YES1: variants seen among roughly 807,000 people sequenced by gnomAD.
YES1 encodes YES proto-oncogene 1, Src family tyrosine kinase, also known as tyrosine-protein kinase Yes.
A neutral mutation model predicts 70.4 loss-of-function variants in YES1; 39 were observed. The observed-to-expected ratio is 0.55, with a 90% CI of 0.43 to 0.72. The LOEUF is 0.72. Ranked by LOEUF, YES1 falls within the 30% of genes least tolerant of loss-of-function variation. YES1 has a pLI of 0.00. For synonymous variants in YES1, 198 were observed against 218.6 expected (o/e 0.91, Z 0.83); for missense variants, 495 against 644.8 (o/e 0.77, Z 2.52).
intron 4 of YES1, among the ~76,000 whole-genome samples, chr18:747,392 C>G (rs1176723559): frequency 1.3e-5 from 2 of 152,152 alleles, no homozygotes; most frequent in Admixed American, 6.6e-5. Context: ...TTGCTTGAGC[C>G]TGGGAGGTAG....
rs137885192 is a variant in YES1, at chr18:776,279, T to C, written c.-8-19444A>G. Among the ~76,000 whole-genome samples, 1,062 of 152,086 alleles carry C rather than the reference T, an allele frequency of 7.0e-3. 6 individuals are homozygous for C. The highest frequency in any genetic ancestry group is 0.024 in the African/African-American group (999 of 41,468). ...TGCAATCTTGGCTCACTGCAACCTCTGCCTCTGGGGTTCAAGTGATTCTCG... is the reference window on the plus strand; with the variant it reads ...TGCAATCTTGGCTCACTGCAACCTCCGCCTCTGGGGTTCAAGTGATTCTCG... On this transcript the variant is annotated intron_variant, in intron 1 of 11. Coordinates refer to ENST00000314574, the MANE Select transcript of YES1 (RefSeq NM_005433.4).
chr18:773,883 G>C (rs1380088303), intron 1 of YES1, among the ~76,000 whole-genome samples: 1 of 151,782 alleles, frequency 6.6e-6, no homozygotes, highest in Non-Finnish European at 1.5e-5. Context: ...CCAGGCTAGA[G>C]TGCAGTGGTG....
intron 1 of YES1, among the ~76,000 whole-genome samples, chr18:764,764 G>T (rs191256574): frequency 6.6e-6 from 1 of 151,730 alleles, no homozygotes; most frequent in Non-Finnish European, 1.5e-5. Flanking sequence ...ACGGAGTCTC[G>T]TTCTGTCACC....
chr18:783,013 T>TGCTGCAAACAG (rs1159320751), intron 1 of YES1, among the ~76,000 whole-genome samples: 1 of 152,082 alleles, frequency 6.6e-6, no homozygotes, highest in Non-Finnish European at 1.5e-5. Flanking sequence ...CAATAGCTAA[T>TGCTGCAAACAG]GCTGCAAACA....
At chr18:729,145 C>T (rs1326492573) in intron 11 of YES1, among the ~76,000 whole-genome samples, 5 of 152,134 alleles carry the variant, frequency 3.3e-5, no homozygotes, top group African/African-American at 1.2e-4. Context: ...TAGCTTTTAT[C>T]TATGCATTAC....
chr18:811,659 A>G (rs1297682859), intron 1 of YES1, among the ~76,000 whole-genome samples: 2 of 151,804 alleles, frequency 1.3e-5, no homozygotes, highest in Admixed American at 6.6e-5. Flanking sequence ...CGCCCCACAC[A>G]CCCGCTCCTC....
At chr18:801,813 T>C (rs1027475167) in intron 1 of YES1, among the ~76,000 whole-genome samples, 2 of 152,246 alleles carry the variant, frequency 1.3e-5, no homozygotes, top group African/African-American at 4.8e-5. Flanking sequence ...TTTTGCATGT[T>C]TCTTTATTCT....
chr18:766,831 TCTAACA>T (rs935858113), intron 1 of YES1, among the ~76,000 whole-genome samples: 3 of 152,194 alleles, frequency 2.0e-5, no homozygotes, highest in African/African-American at 7.2e-5. Context: ...TATTTACTAC[TCTAACA>T]CTATTATATT....
chr18:736,846 G>A lies in YES1; in HGVS notation c.1253C>T (p.Ala418Val). Reference protein sequence around the residue: ...LVCKIADFGLARLIEDNEYTA... With the variant: ...LVCKIADFGLVRLIEDNEYTA... ...GTATTCATTGTCTTCAATTAACCTTGCTAAACCAAAGTCTGCTATTTTGCA... is the reference window on the plus strand; with the variant it reads ...GTATTCATTGTCTTCAATTAACCTTACTAAACCAAAGTCTGCTATTTTGCA... The change falls in exon 10 of 12, where the codon GCA becomes GTA. Residue 418 changes from alanine to valine, a missense_variant. Coordinates refer to ENST00000314574, the MANE Select transcript of YES1 (RefSeq NM_005433.4). 9.3e-6 allele frequency: 15 copies of A among 1,611,984 alleles called. No homozygotes were observed. The highest frequency in any genetic ancestry group is 1.2e-5 in the Non-Finnish European group (14 of 1,179,898).
At chr18:811,371 C>G (rs1054903108) in intron 1 of YES1, among the ~76,000 whole-genome samples, 5 of 152,108 alleles carry the variant, frequency 3.3e-5, no homozygotes, top group African/African-American at 4.8e-5. Flanking sequence ...GTCCCTACAC[C>G]AGACTTGATT....
At chr18:778,196 C>A (rs951021296) in intron 1 of YES1, among the ~76,000 whole-genome samples, 1 of 152,192 alleles carries the variant, frequency 6.6e-6, no homozygotes, top group South Asian at 2.1e-4. Flanking sequence ...TAAAAGTAGG[C>A]AAAACTAGGA....
At position 756,588 on chromosome 18, in the gene YES1, CACTGAA is replaced by C; in HGVS notation, c.234_239del (p.Phe78_Val80delinsLeu). On this transcript the variant is annotated inframe_deletion, in exon 2 of 12. Transcript: ENST00000314574. Reference sequence around the variant, plus strand: ...AACCAGCAGGATATGAACTTGGCACCACTGAAAATGAGGAAGATGCACCTCCAAAAG... The same window carrying C: ...AACCAGCAGGATATGAACTTGGCACCAATGAGGAAGATGCACCTCCAAAAG... 6.2e-7 allele frequency: 1 copy of C among 1,614,112 alleles called. No individual in the cohort carries two copies. Among genetic ancestry groups the C allele is most frequent in the South Asian group, 1.1e-5 (1 of 91,072 alleles).
chr18:756,621 C>G lies in YES1; in HGVS notation c.207G>C (p.Thr69=), dbSNP rs138908805. 6.2e-7 allele frequency: 1 copy of G among 1,614,142 alleles called. No individual in the cohort carries two copies. The highest frequency in any genetic ancestry group is 8.5e-7 in the Non-Finnish European group (1 of 1,180,020). ...ATGAGGAAGATGCACCTCCAAAAGG[C>G]GTTACCCCTGAGGATCCTCCAAATG... The part of the protein sequence containing the change: ...MTPFGGSSGV[T]PFGGASSSFS... The change falls in exon 2 of 12, where the codon ACG becomes ACC. Residue 69 remains threonine, a synonymous_variant. Transcript: ENST00000314574.
intron 11 of YES1, among the ~76,000 whole-genome samples, chr18:726,484 A>C (rs1300945903): frequency 6.6e-6 from 1 of 151,680 alleles, no homozygotes; most frequent in Non-Finnish European, 1.5e-5. Context: ...TAGAACTATT[A>C]AATTATTTGA....
At chr18:759,591 G>A (rs1027024094) in intron 1 of YES1, among the ~76,000 whole-genome samples, 2 of 151,832 alleles carry the variant, frequency 1.3e-5, no homozygotes, top group African/African-American at 4.8e-5. Flanking sequence ...AATTGTGTCT[G>A]TACTAAATAA....
At chr18:755,106 A>C (rs1005598320) in intron 2 of YES1, among the ~76,000 whole-genome samples, 5 of 152,212 alleles carry the variant, frequency 3.3e-5, no homozygotes, top group Non-Finnish European at 5.9e-5. Context: ...ACTTTTGCTA[A>C]AGACTTAGAA....
chr18:790,166 A>G (rs1038826535), intron 1 of YES1, among the ~76,000 whole-genome samples: 1 of 152,244 alleles, frequency 6.6e-6, no homozygotes, highest in Non-Finnish European at 1.5e-5. Context: ...ACCTGAGGTC[A>G]GAAGTTTGAG....
intron 1 of YES1, among the ~76,000 whole-genome samples, chr18:778,074 C>G (rs1034934960): frequency 3.9e-5 from 6 of 152,030 alleles, no homozygotes; most frequent in African/African-American, 1.4e-4. Flanking sequence ...AATTTGATCC[C>G]AAAATAATCC....
chr18:800,997 T>C (rs190881206), intron 1 of YES1, among the ~76,000 whole-genome samples: 1 of 151,616 alleles, frequency 6.6e-6, no homozygotes, highest in African/African-American at 2.4e-5. Context: ...AATATAAAAA[T>C]TAGCTGGGTG....
Sources: gnomAD v4.1 joint callset for allele counts (sites outside exome capture counted in the v4.1 genomes callset) on GRCh38, gnomAD v4.1.1 for gene constraint, MANE v1.5 for transcripts, NCBI Gene and HGNC (gene_info 2026-07-23, HGNC 2026-07-21) for gene names.